C2orf78: variants seen among roughly 807,000 people sequenced by gnomAD.
The protein encoded by C2orf78 is chromosome 2 open reading frame 78.
A neutral mutation model predicts 21.4 loss-of-function variants in C2orf78; 12 were observed. That is an observed-to-expected ratio of 0.56 (90% CI 0.36 to 0.91). C2orf78 has a LOEUF of 0.91. C2orf78 is among the 40% of genes least tolerant of loss of function. The probability of loss-of-function intolerance (pLI) is 0.01; values close to 1 mark genes in which losing one functional copy is unlikely to be tolerated. For synonymous variants in C2orf78, 396 were observed against 413.9 expected (o/e 0.96, Z 0.52); for missense variants, 1,042 against 1,092.4 (o/e 0.95, Z 0.65).
chr2:73,815,752 T>A, exon 3 of C2orf78: 1 of 1,613,600 alleles, frequency 6.2e-7, no homozygotes, highest in African/African-American at 1.3e-5. Flanking sequence ...TCCGAGCCTA[T>A]CCAGGGTGCT....
chr2:73,784,501 A>G, intron 1 of C2orf78, 95 bp downstream of exon 1: 1 of 557,298 alleles, frequency 1.8e-6, no homozygotes, highest in Non-Finnish European at 3.2e-6. Context: ...AGCTTGGAAT[A>G]ACAGGGAAAG....
intron 1 of C2orf78, chr2:73,808,678 A>T: frequency 1.4e-6 from 2 of 1,430,868 alleles, no homozygotes; most frequent in Non-Finnish European, 9.4e-7. Flanking sequence ...TTGTGACATC[A>T]TTCTCCCACC....
exon 3 of C2orf78, chr2:73,816,225 T>C (rs1394044438): frequency 6.2e-7 from 1 of 1,613,868 alleles, no homozygotes; most frequent in Non-Finnish European, 8.5e-7. Flanking sequence ...CCGCCAGCCA[T>C]TCCCAGCTCT....
exon 3 of C2orf78, chr2:73,815,869 A>G (rs370050476): frequency 6.2e-7 from 1 of 1,613,790 alleles, no homozygotes; most frequent in East Asian, 2.2e-5. Context: ...AAGGCCAAGC[A>G]TTCTAGCAAC....
intron 1 of C2orf78, among the ~76,000 whole-genome samples, chr2:73,810,693 T>C (rs1283964423): frequency 2.3e-5 from 3 of 132,982 alleles, no homozygotes; most frequent in South Asian, 2.1e-4. Flanking sequence ...TACATATATA[T>C]TTTATATATA....
intron 1 of C2orf78, among the ~76,000 whole-genome samples, chr2:73,810,657 T>C (rs1673065466): frequency 7.7e-6 from 1 of 130,208 alleles, no homozygotes; most frequent in South Asian, 2.1e-4. Flanking sequence ...TGTATATATC[T>C]ATAATATATA....
chr2:73,811,013 G>T (rs532908766), intron 1 of C2orf78, among the ~76,000 whole-genome samples: 1 of 148,100 alleles, frequency 6.8e-6, no homozygotes, highest in Non-Finnish European at 1.5e-5. Context: ...CCTCCAGGCC[G>T]AGCTCGGTGG....
chr2:73,813,792 A>G (rs1169081771), exon 2 of C2orf78: 2 of 1,613,944 alleles, frequency 1.2e-6, no homozygotes, highest in African/African-American at 2.7e-5. Context: ...ACAGTAAAGA[A>G]GTCATCCTCA....
chr2:73,808,947 C>A (rs1462075308), intron 1 of C2orf78: 3 of 616,922 alleles, frequency 4.9e-6, no homozygotes, highest in African/African-American at 3.7e-5. Context: ...GATTTCTTTG[C>A]CACTAAATTT....
chr2:73,808,439 A>G (rs1391894825), intron 1 of C2orf78, among the ~76,000 whole-genome samples: 2 of 151,214 alleles, frequency 1.3e-5, no homozygotes, highest in Non-Finnish European at 2.9e-5. Context: ...CACATTAAAT[A>G]TAAATGTTAA....
chr2:73,809,622 C>T (rs1382729216), intron 1 of C2orf78, among the ~76,000 whole-genome samples: 1 of 151,960 alleles, frequency 6.6e-6, no homozygotes, highest in Non-Finnish European at 1.5e-5. Flanking sequence ...CCCATCTCTA[C>T]AAAAACTTTT....
exon 3 of C2orf78, chr2:73,817,105 AATTG>A (rs1673220511): frequency 8.1e-7 from 1 of 1,235,744 alleles, no homozygotes; most frequent in South Asian, 1.9e-5. Context: ...AATGTAATAG[AATTG>A]ATTAATAGAT....
chr2:73,807,957 C>A (rs1379451592), intron 1 of C2orf78, among the ~76,000 whole-genome samples: 6 of 150,996 alleles, frequency 4.0e-5, no homozygotes, highest in Non-Finnish European at 5.9e-5. Flanking sequence ...TCCTTTGGCC[C>A]TTAAAATCGG....
exon 2 of C2orf78, chr2:73,813,685 T>C: frequency 6.2e-7 from 1 of 1,614,016 alleles, no homozygotes; most frequent in Non-Finnish European, 8.5e-7. Flanking sequence ...ACCAACATTC[T>C]AGCACAACTA....
At chr2:73,816,058 C>A in exon 3 of C2orf78, 1 of 1,613,874 alleles carries the variant, frequency 6.2e-7, no homozygotes, top group Non-Finnish European at 8.5e-7. Context: ...AAAAATCAAC[C>A]TGAGCTTAGC....
chr2:73,808,807 G>A, intron 1 of C2orf78: 1 of 1,414,036 alleles, frequency 7.1e-7, no homozygotes, highest in Non-Finnish European at 9.6e-7. Flanking sequence ...CTGGACACAT[G>A]CACTGGTTGG....
chr2:73,784,492 G>C (rs1358966116), intron 1 of C2orf78, 86 bp downstream of exon 1: 2 of 548,698 alleles, frequency 3.6e-6, no homozygotes, highest in Admixed American at 3.1e-5. Flanking sequence ...TTCCCAAACA[G>C]CTTGGAATAA....
exon 3 of C2orf78, chr2:73,815,968 A>G (rs1231122644): frequency 1.2e-5 from 19 of 1,614,028 alleles, no homozygotes; most frequent in South Asian, 9.9e-5. Flanking sequence ...AACAGCTCCA[A>G]GAAATCTGAA....
At chr2:73,810,904 TTATA>T (rs1673075730) in intron 1 of C2orf78, among the ~76,000 whole-genome samples, 2 of 140,324 alleles carry the variant, frequency 1.4e-5, no homozygotes, top group Non-Finnish European at 3.0e-5. Flanking sequence ...TACATGTATA[TTATA>T]TATAATATAT....
Sources: allele counts gnomAD v4.1 joint callset (sites outside exome capture counted in the v4.1 genomes callset), GRCh38; gene constraint gnomAD v4.1.1; transcripts MANE v1.5; gene names NCBI Gene and HGNC (gene_info 2026-07-23, HGNC 2026-07-21).